Variants in HAVCR1 observed in about 807,000 individuals in gnomAD.
HAVCR1 encodes hepatitis A virus cellular receptor 1.
Under a neutral mutation model 32.0 loss-of-function variants are expected in HAVCR1, and 34 were observed. The ratio of observed to expected loss-of-function variants is 1.06; its 90% CI spans 0.81 to 1.42. The LOEUF (loss-of-function observed/expected upper bound fraction) is 1.42, where lower values mean the gene tolerates loss of function less well. HAVCR1 is among the 40% of genes most tolerant of loss of function. The probability of loss-of-function intolerance (pLI) is 0.00; values close to 1 mark genes in which losing one functional copy is unlikely to be tolerated. For synonymous variants in HAVCR1, 178 were observed against 170.3 expected, an observed-to-expected ratio of 1.05 and a Z score of -0.35; for missense variants, 420 against 442.3, an observed-to-expected ratio of 0.95 and a Z score of 0.45.
At chr5:157,041,354 C>T (rs1032255324) in intron 6 of HAVCR1, among the ~76,000 whole-genome samples, 1 of 151,942 alleles carries the variant, frequency 6.6e-6, no homozygotes, top group Non-Finnish European at 1.5e-5. Context: ...AAAAATTATC[C>T]AGGTATGGTG....
intron 5 of HAVCR1, among the ~76,000 whole-genome samples, chr5:157,042,973 G>A (rs1429437017): frequency 6.6e-6 from 1 of 151,940 alleles, no homozygotes; most frequent in Non-Finnish European, 1.5e-5. Context: ...TACTATTTTA[G>A]GGTCATCACA....
In HAVCR1 at chr5:157,032,906, G is replaced by A; in HGVS notation, c.953-19C>T. The A allele has an allele frequency of 4.0e-6, 6 of 1,513,466 alleles. No individual in the cohort carries two copies. The highest frequency in any genetic ancestry group is 4.5e-6 in the Non-Finnish European group (5 of 1,109,074). The allele number at this position is 1,513,466 out of a possible 1,614,324, so 93.8% of individuals were successfully genotyped here. A position where few individuals can be genotyped will look rare whatever the true frequency, so the allele number is the denominator to read the frequency against. ...AAATACTCTAAATTGAAGGGGTGGG[G>A]AGAGAGGAGTTGAAGAGAAAACTAA... On this transcript the variant is annotated intron_variant, in intron 7 of 8. Coordinates refer to ENST00000523175, the MANE Select transcript of HAVCR1 (RefSeq NM_001173393.3).
At chr5:157,044,623 A>AAGAAAGAAAGAAAGAAAGAAG in intron 5 of HAVCR1, among the ~76,000 whole-genome samples, 1 of 53,318 alleles carries the variant, frequency 1.9e-5, no homozygotes, top group South Asian at 8.5e-4. Context: ...AAGAGAAAGA[A>AAGAAAGAAAGAAAGAAAGAAG]AGAAAGAAAG....
At chr5:157,057,043 G>A (rs564267944) in intron 2 of HAVCR1, among the ~76,000 whole-genome samples, 7 of 152,094 alleles carry the variant, frequency 4.6e-5, no homozygotes, top group East Asian at 1.9e-4. Context: ...TAGGCCAGGC[G>A]CGGTGACTCA....
intron 5 of HAVCR1, among the ~76,000 whole-genome samples, chr5:157,048,816 C>T (rs758624971): frequency 4.1e-5 from 6 of 147,020 alleles, no homozygotes; most frequent in Admixed American, 7.0e-5. Context: ...GGCAACAATG[C>T]GAGACTCCAT....
intron 1 of HAVCR1, 119 bp from the exon 2 acceptor site, chr5:157,058,074 G>A: frequency 1.4e-6 from 1 of 717,436 alleles, no homozygotes; most frequent in African/African-American, 1.7e-5. Context: ...ATATGAGCCT[G>A]CTCTGCTGGA....
intron 7 of HAVCR1, among the ~76,000 whole-genome samples, chr5:157,033,221 C>T (rs1415160256): frequency 6.6e-6 from 1 of 152,042 alleles, no homozygotes; most frequent in Admixed American, 6.6e-5. Flanking sequence ...AGGCGTCAAC[C>T]AAGATTTGTT....
chr5:157,044,631 A>AAGAAAGAAAGAAAGAAAG (rs1755230514), intron 5 of HAVCR1, among the ~76,000 whole-genome samples: 3 of 80,400 alleles, frequency 3.7e-5, no homozygotes, highest in African/African-American at 5.0e-5. Flanking sequence ...GAAAGAAAGA[A>AAGAAAGAAAGAAAGAAAG]AGAAAGAAAG....
At chr5:157,055,086 GTT>G (rs67223705) in intron 3 of HAVCR1, 113 bp downstream of exon 3, 1 of 599,198 alleles carries the variant, frequency 1.7e-6, no homozygotes, top group Non-Finnish European at 3.0e-6. Flanking sequence ...AAGAACAAGA[GTT>G]TATTTAAAAA....
intron 3 of HAVCR1, among the ~76,000 whole-genome samples, chr5:157,054,621 A>G (rs1158246461): frequency 1.3e-5 from 2 of 152,176 alleles, no homozygotes; most frequent in African/African-American, 4.8e-5. Flanking sequence ...TGGGCCAACT[A>G]CTATGTTTGA....
chr5:157,053,175 T>A (rs143410690), intron 3 of HAVCR1, among the ~76,000 whole-genome samples: 1 of 149,970 alleles, frequency 6.7e-6, no homozygotes, highest in Non-Finnish European at 1.5e-5. Flanking sequence ...CTACTTCAGC[T>A]CAGGAGTTCA....
At chr5:157,068,464 G>A in the HAVCR1 span, among the ~76,000 whole-genome samples, 36 of 151,718 alleles carry the variant, frequency 2.4e-4, no homozygotes, top group East Asian at 6.6e-3. Flanking sequence ...ATGCACTCCT[G>A]TAGTCCCAGC....
chr5:157,055,092 T>C, intron 3 of HAVCR1, 109 bp downstream of exon 3: 1 of 611,570 alleles, frequency 1.6e-6, no homozygotes, highest in Non-Finnish European at 2.9e-6. Context: ...AAGAGTTTAT[T>C]TAAAAACAGG....
intron 8 of HAVCR1, among the ~76,000 whole-genome samples, chr5:157,030,115 A>ACAAAATG (rs1754086983): frequency 6.6e-6 from 1 of 152,190 alleles, no homozygotes; most frequent in Non-Finnish European, 1.5e-5. Flanking sequence ...CTCGCATAAT[A>ACAAAATG]GAATACAAAA....
intron 2 of HAVCR1, 84 bp downstream of exon 2, chr5:157,057,814 T>A: frequency 2.1e-6 from 2 of 946,418 alleles, no homozygotes; most frequent in Non-Finnish European, 3.5e-6. Flanking sequence ...ACCACCACCA[T>A]CCCCTCCCCT....
the HAVCR1 span, among the ~76,000 whole-genome samples, chr5:157,069,136 T>A: frequency 6.6e-6 from 1 of 152,210 alleles, no homozygotes; most frequent in Admixed American, 6.5e-5. Context: ...CACACTAAAC[T>A]TGCCCAGGCA....
the HAVCR1 span, among the ~76,000 whole-genome samples, chr5:157,064,867 C>CA: frequency 6.6e-5 from 10 of 150,902 alleles, no homozygotes; most frequent in Non-Finnish European, 7.4e-5. Context: ...GACTCCATCT[C>CA]AAAAAAAACA....
the HAVCR1 span, among the ~76,000 whole-genome samples, chr5:157,067,923 C>T: frequency 6.6e-6 from 1 of 152,074 alleles, no homozygotes; most frequent in East Asian, 1.9e-4. Context: ...GGTGATCTGC[C>T]TGCCTCGGCC....
At chr5:157,066,469 C>T in the HAVCR1 span, among the ~76,000 whole-genome samples, 1 of 141,642 alleles carries the variant, frequency 7.1e-6, no homozygotes, top group Admixed American at 7.7e-5. Flanking sequence ...AGTACTACTG[C>T]ATTCCAGCCT....
Sources: gnomAD v4.1 joint callset for allele counts (sites outside exome capture counted in the v4.1 genomes callset) on GRCh38, gnomAD v4.1.1 for gene constraint, MANE v1.5 for transcripts, NCBI Gene and HGNC (gene_info 2026-07-23, HGNC 2026-07-21) for gene names.